Variants in FANCA observed in about 807,000 individuals in gnomAD.
FANCA encodes FA complementation group A.
A neutral mutation model predicts 194.3 loss-of-function variants in FANCA; 236 were observed. The ratio of observed to expected loss-of-function variants is 1.21; its 90% CI spans 1.09 to 1.35. FANCA has a LOEUF of 1.35. Among genes scored for constraint, FANCA ranks in the 40% most tolerant of loss-of-function variants. The pLI, the probability that FANCA is intolerant of heterozygous loss-of-function variation, is 0.00. For missense variants in FANCA, 2,628 were observed against 1,813.9 expected (o/e 1.45, Z -8.15); for synonymous variants, 1,014 against 715.8 (o/e 1.42, Z -6.65).
At position 89,770,319 on chromosome 16, in the gene FANCA, C is replaced by T. The variant is rs991864987; in HGVS notation, c.2223-60G>A. 2.1e-6 allele frequency: 3 copies of T among 1,414,704 alleles called. No homozygotes were observed. In the African/African-American group the frequency reaches 4.3e-5, roughly 20 times the overall value. 87.6% of individuals were successfully genotyped at this position (1,414,704 alleles called of 1,614,324 possible). A position where few individuals can be genotyped will look rare whatever the true frequency, so the allele number is the denominator to read the frequency against. ...CATTCAGTCCTGCACATCCCTCCAA[C>T]AGCTAATCCAACCACCAGCGGCCGA... On this transcript the variant is annotated intron_variant, in intron 24 of 42. Transcript: ENST00000389301.
Position 89,762,957 on chromosome 16 carries a change from A to T in FANCA, c.2779-935T>A, listed in dbSNP as rs910002256. On this transcript the variant is annotated intron_variant, in intron 28 of 42. Transcript: ENST00000389301. ...TTCTACTAAAAATACGAAAAAAAAAAAAAAAAAGGGTTGGGCGTGGTGGCT... is the reference window on the plus strand; with the variant it reads ...TTCTACTAAAAATACGAAAAAAAAATAAAAAAAGGGTTGGGCGTGGTGGCT... Among the ~76,000 whole-genome samples the T allele has an allele frequency of 3.8e-4, 58 of 151,062 alleles. 1 individual carries two copies. The highest frequency in any genetic ancestry group is 1.4e-3 in the African/African-American group (57 of 41,230).
chr16:89,784,368 C>CA (rs58907559), intron 15 of FANCA, among the ~76,000 whole-genome samples: 2,030 of 103,900 alleles, frequency 0.02, 22 homozygotes, highest in Non-Finnish European at 0.025. Context: ...GAGACTGTCT[C>CA]AAAAAAAAAA....
chr16:89,811,567 A>G (rs11076631), intron 3 of FANCA, among the ~76,000 whole-genome samples: 69,639 of 151,928 alleles, frequency 0.46, 17,173 homozygotes, highest in East Asian at 0.98. Flanking sequence ...CTCAGTCCGC[A>G]GGCCACCAAG....
chr16:89,774,729 CAA>C lies in FANCA; in HGVS notation c.1900+1011_1900+1012del, dbSNP rs780078944. Among the ~76,000 whole-genome samples the C allele has an allele frequency of 7.5e-3, 166 of 22,180 alleles. 2 individuals carry two copies. Among genetic ancestry groups the C allele is most frequent in the South Asian group, 0.058 (16 of 276 alleles). The allele number at this position is 22,180 out of a possible 152,430, so 14.6% of individuals were successfully genotyped here. ...TGGGCAACAGAGCGAGACTCTGTCTCAAAAAAAAAAAAAAAAAAAAAAAAATC... is the reference window on the plus strand; with the variant it reads ...TGGGCAACAGAGCGAGACTCTGTCTCAAAAAAAAAAAAAAAAAAAAAAATC... On this transcript the variant is annotated intron_variant, in intron 21 of 42. Transcript: ENST00000389301.
At position 89,745,063 on chromosome 16, in the gene FANCA, C is replaced by A; in HGVS notation, c.3522G>T (p.Trp1174Cys). The A allele has an allele frequency of 6.2e-7, 1 of 1,604,972 alleles. No individual in the cohort carries two copies. The highest frequency in any genetic ancestry group is 2.2e-5 in the East Asian group (1 of 44,712). ...PLILTSALVW[W>C]PSLEPVLLCR... ...AGAGCAGCACAGGCTCCAGGCTCGG[C>A]CACCACACCTATGGAGAGAGCACCA... Residue 1174 changes from tryptophan to cysteine, a missense_variant, in exon 36 of 43, where the codon TGG becomes TGT. Trp to Cys is a radical substitution (Grantham distance 215). Transcript: ENST00000389301.
At chr16:89,786,190 T>C (rs2039892334) in intron 14 of FANCA, among the ~76,000 whole-genome samples, 1 of 151,166 alleles carries the variant, frequency 6.6e-6, no homozygotes, top group Non-Finnish European at 1.5e-5. Context: ...GGTTTTTTTT[T>C]TCCTTTTTTC....
chr16:89,791,275 CACTCGGCAAAGCTGACAGCAAGGTT>C, intron 14 of FANCA, 103 bp downstream of exon 14: 1 of 1,292,154 alleles, frequency 7.7e-7, no homozygotes, highest in South Asian at 1.3e-5. Context: ...CTGCCAAGGC[CACTCGGCAAAGCTGACAGCAAGGTT>C]GCTCACTCAC....
chr16:89,753,807 C>G (rs1384047764), intron 30 of FANCA, among the ~76,000 whole-genome samples: 1 of 152,196 alleles, frequency 6.6e-6, no homozygotes, highest in Non-Finnish European at 1.5e-5. Context: ...GTAATCCCAG[C>G]ACTTTGGGAG....
chr16:89,776,157 T>TTC (rs201877733), intron 20 of FANCA, among the ~76,000 whole-genome samples: 5,361 of 133,244 alleles, frequency 0.04, 283 homozygotes, highest in East Asian at 0.15. Flanking sequence ...ATCTTTGTTT[T>TTC]TCTTTTTTTT....
At chr16:89,749,325 G>T (rs1446033796) in intron 32 of FANCA, among the ~76,000 whole-genome samples, 2 of 152,146 alleles carry the variant, frequency 1.3e-5, no homozygotes, top group Non-Finnish European at 2.9e-5. Context: ...CCACTCTCCT[G>T]CCTCAGTCTC....
chr16:89,780,249 T>C (rs2039654618), intron 17 of FANCA, among the ~76,000 whole-genome samples: 2 of 152,118 alleles, frequency 1.3e-5, no homozygotes, highest in Admixed American at 1.3e-4. Context: ...GCCGTGAGCC[T>C]CTTTCCTGCC....
At chr16:89,803,041 A>T (rs1354297959) in intron 8 of FANCA, among the ~76,000 whole-genome samples, 1 of 152,206 alleles carries the variant, frequency 6.6e-6, no homozygotes, top group Non-Finnish European at 1.5e-5. Context: ...CAACATGTGA[A>T]ATGTTGCCAA....
rs34353618 is a variant in FANCA, at chr16:89,782,929, G to T, written c.1567-11C>A. 6.9e-5 allele frequency: 112 copies of T among 1,613,758 alleles called. 1 individual carries two copies. In the Middle Eastern group the frequency reaches 0.01, roughly 150 times the overall value. ...GTTTTCTATAGAAACCTTCAGGGAAGACACAGAATGAGAACAAGAAAACAA... is the reference window on the plus strand; with the variant it reads ...GTTTTCTATAGAAACCTTCAGGGAATACACAGAATGAGAACAAGAAAACAA... On this transcript the variant is annotated splice_polypyrimidine_tract_variant and intron_variant, in intron 16 of 42. Coordinates refer to ENST00000389301, the MANE Select transcript of FANCA (RefSeq NM_000135.4).
Position 89,739,566 on chromosome 16 carries a change from G to A in FANCA, c.3935-13C>T, listed in dbSNP as rs2151713113. On this transcript the variant is annotated splice_polypyrimidine_tract_variant and intron_variant, in intron 39 of 42. Transcript: ENST00000389301. ...CCCAGCCTGAGGTCTGCAACACCAA[G>A]AAGTGGCTCAGGCAACTCTGGACAT... 1.9e-6 allele frequency: 3 copies of A among 1,551,028 alleles called. No homozygotes were observed. The highest frequency in any genetic ancestry group is 1.7e-6 in the Non-Finnish European group (2 of 1,146,880).
At chr16:89,796,241 G>A (rs1022033185) in intron 10 of FANCA, among the ~76,000 whole-genome samples, 13 of 152,302 alleles carry the variant, frequency 8.5e-5, no homozygotes, top group Admixed American at 5.9e-4. Context: ...GCAGAGAAGC[G>A]AAGGAGCAGA....
rs752642945 is a variant in FANCA at position 89,748,756 on chromosome 16, C to T, written c.3251G>A (p.Arg1084His). Residue 1084 changes from arginine (R) to histidine (H), a missense_variant, in exon 33 of 43, where the codon CGC becomes CAC. By Grantham distance (29) the Arg-to-His change is conservative. Transcript: ENST00000389301. ...ELLMYKRILL[R>H]LPSSVLCGSS... is the part of the protein sequence containing the mutation. ...GCCGCAGAGGACAGACGAAGGCAGGCGGAGGAGGATCCTGGAAAGAAGGGG... is the reference window on the plus strand; with the variant it reads ...GCCGCAGAGGACAGACGAAGGCAGGTGGAGGAGGATCCTGGAAAGAAGGGG... 1.3e-5 allele frequency: 21 copies of T among 1,613,656 alleles called. No individual in the cohort carries two copies. Among genetic ancestry groups the T allele is most frequent in the South Asian group, 4.4e-5 (4 of 91,066 alleles).
At chr16:89,813,847 C>A (rs569745306) in intron 3 of FANCA, among the ~76,000 whole-genome samples, 2 of 148,944 alleles carry the variant, frequency 1.3e-5, no homozygotes, top group African/African-American at 2.6e-5. Flanking sequence ...TGTGCACGTG[C>A]GTGCATGTAC....
At chr16:89,779,149 G>A (rs766564726) in intron 18 of FANCA, 146 bp from the exon 19 acceptor site, 30 of 801,990 alleles carry the variant, frequency 3.7e-5, no homozygotes, top group East Asian at 1.1e-4. Flanking sequence ...GCACAGTTCC[G>A]GGACAAGGCA....
intron 14 of FANCA, among the ~76,000 whole-genome samples, chr16:89,788,042 T>G (rs1269125132): frequency 6.6e-6 from 1 of 151,896 alleles, no homozygotes; most frequent in East Asian, 1.9e-4. Flanking sequence ...CCAGCTAAAT[T>G]TTGTATTTTT....
Sources: allele counts gnomAD v4.1 joint callset (sites outside exome capture counted in the v4.1 genomes callset), GRCh38; gene constraint gnomAD v4.1.1; transcripts MANE v1.5; gene names NCBI Gene and HGNC (gene_info 2026-07-23, HGNC 2026-07-21).